The following FAM13B variants were observed in gnomAD, a reference collection of about 807,000 sequenced individuals.
FAM13B encodes the protein family with sequence similarity 13 member B.
In FAM13B, 60 loss-of-function variants were observed where a neutral mutation model predicts 117.3. That is an observed-to-expected ratio of 0.51 (90% confidence interval 0.42 to 0.63). The LOEUF is 0.63. FAM13B is among the 30% of genes least tolerant of loss of function. The probability of loss-of-function intolerance (pLI) is 0.00; values close to 1 mark genes in which losing one functional copy is unlikely to be tolerated. For synonymous variants in FAM13B, 332 were observed against 356.1 expected, an observed-to-expected ratio of 0.93 and a Z score of 0.76; for missense variants, 972 against 1,091.9, an observed-to-expected ratio of 0.89 and a Z score of 1.55.
At chr5:137,996,902 A>G (rs972406535) in intron 7 of FAM13B, among the ~76,000 whole-genome samples, 4 of 152,100 alleles carry the variant, frequency 2.6e-5, no homozygotes, top group Admixed American at 1.3e-4. Flanking sequence ...CCAATTTTTC[A>G]TCTTTCTAAA....
At chr5:137,964,797 A>G (rs1311647690) in intron 10 of FAM13B, among the ~76,000 whole-genome samples, 1 of 152,284 alleles carries the variant, frequency 6.6e-6, no homozygotes, top group East Asian at 1.9e-4. Context: ...CTCATCACAA[A>G]TATGAGAATA....
intron 4 of FAM13B, 148 bp from the exon 5 acceptor site, chr5:138,012,093 A>G (rs1367214075): frequency 7.5e-6 from 4 of 531,228 alleles, no homozygotes. Context: ...CAAATGCCTT[A>G]GGGCTTTGTA....
At chr5:138,043,322 C>T (rs1404044951) in intron 1 of FAM13B, among the ~76,000 whole-genome samples, 6 of 152,064 alleles carry the variant, frequency 3.9e-5, no homozygotes, top group Non-Finnish European at 7.4e-5. Context: ...ATGATTGTGC[C>T]ACTGCACTCC....
intron 9 of FAM13B, among the ~76,000 whole-genome samples, chr5:137,986,437 A>C (rs1471509772): frequency 2.7e-3 from 15 of 5,480 alleles, no homozygotes; most frequent in Non-Finnish European, 6.9e-3. Context: ...CCCCCCCCCA[A>C]AAAAAATTGA....
rs758413667 is a variant in FAM13B at position 137,946,275 on chromosome 5, A to C, written c.2197T>G (p.Ser733Ala). 2 of 1,590,042 alleles carry C rather than the reference A, an allele frequency of 1.3e-6. No homozygotes were observed. The highest frequency in any genetic ancestry group is 1.9e-5 in the Admixed American group (1 of 53,590). ...TKDHLVEEKA[S>A]LQKSLLYYES... ...TAGTAAAGAAGACTTTTCTGAAGAG[A>C]AGCTTTCTCTTCTACCAAATGATCT... The change falls in exon 19 of 24, where the codon TCT (serine) becomes GCT (alanine). Residue 733 changes from serine to alanine, a missense_variant. Transcript: ENST00000689681.
intron 10 of FAM13B, among the ~76,000 whole-genome samples, chr5:137,984,113 G>A (rs7732545): frequency 0.23 from 34,946 of 152,072 alleles, 4,233 homozygotes; most frequent in African/African-American, 0.28. Flanking sequence ...TTACAACAAT[G>A]TTCCTAGGTT....
At chr5:138,031,399 AG>A (rs1789961140) in intron 1 of FAM13B, among the ~76,000 whole-genome samples, 1 of 152,172 alleles carries the variant, frequency 6.6e-6, no homozygotes, top group Admixed American at 6.5e-5. Context: ...TAAAAAAGTA[AG>A]AAGGGGGCAA....
intron 7 of FAM13B, among the ~76,000 whole-genome samples, chr5:138,001,639 TG>T (rs1476965620): frequency 6.6e-6 from 1 of 152,214 alleles, no homozygotes; most frequent in Admixed American, 6.5e-5. Context: ...TTTCTAGTGA[TG>T]GAAGACAGAC....
intron 9 of FAM13B, 109 bp from the exon 10 acceptor site, chr5:137,985,498 A>G (rs1776968714): frequency 9.1e-7 from 1 of 1,093,418 alleles, no homozygotes; most frequent in Non-Finnish European, 1.3e-6. Context: ...CTTGTTAAAG[A>G]AAATGTGTAC....
intron 10 of FAM13B, among the ~76,000 whole-genome samples, chr5:137,963,914 C>T (rs932301570): frequency 3.9e-5 from 6 of 152,176 alleles, no homozygotes; most frequent in Admixed American, 6.5e-5. Context: ...CCCCTATCCA[C>T]CATCCATGGA....
chr5:137,945,640 T>A (rs1763211782), intron 20 of FAM13B, among the ~76,000 whole-genome samples: 1 of 152,208 alleles, frequency 6.6e-6, no homozygotes, highest in South Asian at 2.1e-4. Flanking sequence ...ACCTGTGAAA[T>A]GATGCTATCA....
chr5:137,966,079 C>T (rs2150339659), intron 10 of FAM13B, among the ~76,000 whole-genome samples: 1 of 141,188 alleles, frequency 7.1e-6, no homozygotes, highest in South Asian at 2.5e-4. Flanking sequence ...TAAATATTTA[C>T]TACAGAATCT....
Position 138,011,223 on chromosome 5 carries a change from G to C in FAM13B, c.549-74C>G, listed in dbSNP as rs1007729106. 11 of 1,375,976 alleles carry C rather than the reference G, an allele frequency of 8.0e-6. No homozygotes were observed. The African/African-American group carries it at 1.5e-4, about 19-fold the overall frequency. The allele number at this position is 1,375,976 out of a possible 1,614,324, so 85.2% of individuals were successfully genotyped here. On this transcript the variant is annotated intron_variant, in intron 5 of 23. Transcript: ENST00000689681. Reference sequence around the variant, plus strand: ...GGTAAAGGTAGAAGACAACCAATGAGATACTTTATGAACATGGGCAATTTA... The same window carrying C: ...GGTAAAGGTAGAAGACAACCAATGACATACTTTATGAACATGGGCAATTTA...
intron 7 of FAM13B, among the ~76,000 whole-genome samples, chr5:138,005,084 A>G (rs1395989759): frequency 6.6e-6 from 1 of 151,994 alleles, no homozygotes; most frequent in African/African-American, 2.4e-5. Flanking sequence ...CTAAAATACA[A>G]AAGTTAGCTG....
At chr5:137,963,044 C>G (rs563535742) in intron 10 of FAM13B, among the ~76,000 whole-genome samples, 1 of 152,066 alleles carries the variant, frequency 6.6e-6, no homozygotes, top group African/African-American at 2.4e-5. Flanking sequence ...AATACATGAA[C>G]GTTGTGGTGT....
Position 137,952,847 on chromosome 5 carries a change from A to C in FAM13B, c.1849-138T>G. The C allele has an allele frequency of 1.1e-5, 6 of 565,276 alleles. No individual in the cohort carries two copies. The South Asian group carries it at 1.7e-4, about 16-fold the overall frequency. 35.0% of individuals were successfully genotyped at this position (565,276 alleles called of 1,614,324 possible). ...TCATCTTATTTTAATTAGATAGGGC[A>C]GGATATTAAGTCAAGTTCTCCCAAG... On this transcript the variant is annotated intron_variant, in intron 16 of 23. Transcript: ENST00000689681.
upstream of FAM13B, chr5:138,036,400 G>A (rs1791165469): frequency 4.4e-6 from 2 of 456,580 alleles, no homozygotes; most frequent in Non-Finnish European, 8.8e-6. Flanking sequence ...GCTAATCCCA[G>A]TGCAGATTCA....
intron 10 of FAM13B, among the ~76,000 whole-genome samples, chr5:137,982,358 G>C (rs1776003312): frequency 6.6e-6 from 1 of 152,274 alleles, no homozygotes. Flanking sequence ...CTCGAGACCA[G>C]TCTGGCCAAC....
chr5:138,036,929 G>A, upstream of FAM13B: 1 of 310,596 alleles, frequency 3.2e-6, no homozygotes, highest in Non-Finnish European at 6.2e-6. Flanking sequence ...CTGGAGAGGT[G>A]CTATTGGCTG....
Sources: gnomAD v4.1 joint callset for allele counts (sites outside exome capture counted in the v4.1 genomes callset) on GRCh38, gnomAD v4.1.1 for gene constraint, MANE v1.5 for transcripts, NCBI Gene and HGNC (gene_info 2026-07-23, HGNC 2026-07-21) for gene names.